Variants in ANKK1 observed in about 807,000 individuals in gnomAD.
The protein encoded by ANKK1 is ankyrin repeat and kinase domain containing 1.
In ANKK1, 37 loss-of-function variants were observed where a neutral mutation model predicts 37.6. The ratio of observed to expected loss-of-function variants is 0.98; its 90% CI spans 0.76 to 1.29. The LOEUF (loss-of-function observed/expected upper bound fraction) is 1.29. Among genes scored for constraint, ANKK1 ranks in the 50% most tolerant of loss-of-function variants. The probability of loss-of-function intolerance (pLI) is 0.00; values close to 1 mark genes in which losing one functional copy is unlikely to be tolerated. For synonymous variants in ANKK1, 415 were observed against 418.7 expected (o/e 0.99, Z 0.11); for missense variants, 1,019 against 990.6 (o/e 1.03, Z -0.39).
At chr11:113,388,108 A>G in intron 1 of ANKK1, 39 bp downstream of exon 1, 1 of 1,440,126 alleles carries the variant, frequency 6.9e-7, no homozygotes, top group Admixed American at 2.6e-5. Flanking sequence ...CGGAGGAGAA[A>G]CTGAGGCCCG....
chr11:113,388,194 T>G, intron 1 of ANKK1, 125 bp downstream of exon 1: 37 of 1,265,056 alleles, frequency 2.9e-5, no homozygotes, highest in Non-Finnish European at 3.5e-5. Context: ...CCCGCGGTAT[T>G]TCTGAATTCC....
chr11:113,398,179 G>A (rs1950654806), intron 7 of ANKK1, among the ~76,000 whole-genome samples, 163 bp downstream of exon 7: 1 of 152,068 alleles, frequency 6.6e-6, no homozygotes, highest in Non-Finnish European at 1.5e-5. Flanking sequence ...TGTTCAGAAA[G>A]CACATGCCCT....
chr11:113,397,144 G>A, intron 5 of ANKK1, 80 bp from the exon 6 acceptor site: 7 of 1,158,258 alleles, frequency 6.0e-6, no homozygotes, highest in Non-Finnish European at 8.6e-6. Context: ...AGACAGGAAT[G>A]TTAGGGTATC....
intron 1 of ANKK1, among the ~76,000 whole-genome samples, chr11:113,391,662 T>A (rs1950588530): frequency 6.6e-6 from 1 of 152,016 alleles, no homozygotes; most frequent in Non-Finnish European, 1.5e-5. Flanking sequence ...TTCACTGAAA[T>A]GATGAAAACT....
Position 113,400,166 on chromosome 11 carries a change from C to A in ANKK1, c.2197C>A (p.Leu733Ile). Residue 733 changes from leucine (L) to isoleucine (I), a missense_variant, in exon 8 of 8, where the codon CTC becomes ATC. By Grantham distance (5) the Leu-to-Ile change is conservative. Transcript: ENST00000303941. ...GVSCTPLQLA[L>I]RSRKQGIMSF... is the part of the protein sequence containing the mutation. Reference sequence around the variant, plus strand: ...GAGCTGCACACCCCTGCAACTGGCCCTCCGCAGCCGAAAGCAGGGCATCAT... The same window carrying A: ...GAGCTGCACACCCCTGCAACTGGCCATCCGCAGCCGAAAGCAGGGCATCAT... 1 of 1,589,328 alleles carries A rather than the reference C, an allele frequency of 6.3e-7. No homozygotes were observed. The highest frequency in any genetic ancestry group is 1.1e-5 in the South Asian group (1 of 88,020).
At chr11:113,390,475 A>C (rs1950578659) in intron 1 of ANKK1, among the ~76,000 whole-genome samples, 1 of 152,234 alleles carries the variant, frequency 6.6e-6, no homozygotes, top group African/African-American at 2.4e-5. Context: ...CTGGTGGCTC[A>C]CGCTTGTAAT....
At chr11:113,397,710 G>C (rs1326268708) in intron 6 of ANKK1, among the ~76,000 whole-genome samples, 1 of 152,174 alleles carries the variant, frequency 6.6e-6, no homozygotes, top group African/African-American at 2.4e-5. Context: ...GGCTCCCCCA[G>C]CTGAACTCAC....
intron 4 of ANKK1, 39 bp from the exon 5 acceptor site, chr11:113,396,028 A>G (rs1208436510): frequency 6.2e-7 from 1 of 1,604,504 alleles, no homozygotes; most frequent in Non-Finnish European, 8.5e-7. Context: ...CTCCAGCCCT[A>G]CCTCTCAGCA....
Position 113,399,273 on chromosome 11 carries a change from C to T in ANKK1, c.1304C>T (p.Ala435Val), listed in dbSNP as rs777823114. Residue 435 changes from alanine to valine, a missense_variant, in exon 8 of 8, where the codon GCA becomes GTA. Ala to Val is a moderately conservative substitution (Grantham distance 64, BLOSUM62 0). Transcript: ENST00000303941. ...GATGGCTGGGCCCCACTGCACTTTG[C>T]AGCCCAGAATGGGGATGACGGCACT... ...DEDGWAPLHF[A>V]AQNGDDGTAR... is the part of the protein sequence containing the mutation. 12 of 1,605,858 alleles carry T rather than the reference C, an allele frequency of 7.5e-6. No individual in the cohort carries two copies. The South Asian group carries it at 1.3e-4, about 18-fold the overall frequency.
In ANKK1 at chr11:113,400,116, C is replaced by T. The variant is rs1013702069; in HGVS notation, c.2147C>T (p.Ala716Val). 5 of 1,612,154 alleles carry T rather than the reference C, an allele frequency of 3.1e-6. No individual in the cohort carries two copies. In the Admixed American group the frequency reaches 5.0e-5, roughly 16 times the overall value. Residue 716 changes from alanine to valine, a missense_variant, in exon 8 of 8, where the codon GCC becomes GTC. By Grantham distance (64) the Ala-to-Val change is moderately conservative (BLOSUM62 0). Transcript: ENST00000303941. ...AILKVLVEAG[A>V]QLDVQDGVSC... ...CTCAAAGTGCTGGTCGAGGCAGGCG[C>T]CCAGCTGGACGTCCAGGATGGAGTG...
rs758194853 is a variant in ANKK1, at chr11:113,387,926, C to A, written c.42C>A (p.Pro14=). 1.3e-6 allele frequency: 2 copies of A among 1,568,596 alleles called. No homozygotes were observed. Among genetic ancestry groups the A allele is most frequent in the African/African-American group, 1.3e-5 (1 of 74,166 alleles). The part of the protein sequence containing the change: ...DPTELRLGSL[P]VFTRDDFEGD... ...CCGAGCTGCGGCTGGGCAGCCTCCC[C>A]GTCTTCACCCGCGACGACTTCGAGG... The change falls in exon 1 of 8, where the codon CCC becomes CCA. Residue 14 remains proline, a synonymous_variant. Coordinates refer to ENST00000303941, the MANE Select transcript of ANKK1 (RefSeq NM_178510.2).
rs200699123 is a variant in ANKK1, at chr11:113,399,185, C to T, written c.1216C>T (p.Gln406Ter). 1 of 1,601,082 alleles carries T rather than the reference C, an allele frequency of 6.2e-7. No individual in the cohort carries two copies. The highest frequency in any genetic ancestry group is 8.5e-7 in the Non-Finnish European group (1 of 1,174,140). Reference sequence around the variant, plus strand: ...GCCCCTCCTGATCGCCGCCCAGGACCAGCAACCCGACCTCTGTGCCCTGCT... The same window carrying T: ...GCCCCTCCTGATCGCCGCCCAGGACTAGCAACCCGACCTCTGTGCCCTGCT... ...YTPLLIAAQD[Q>*]QPDLCALLLA... The change falls in exon 8 of 8, where the codon CAG becomes TAG. Residue 406 changes from glutamine (Q) to a stop codon, truncating the protein, a stop_gained. Coordinates refer to ENST00000303941, the MANE Select transcript of ANKK1 (RefSeq NM_178510.2). LOFTEE classifies it low-confidence loss of function (END_TRUNC).
rs111613156 is a variant in ANKK1, at chr11:113,389,288, G to A, written c.185+1219G>A. ...AGTTCTGGGAATTCCCTGGGTGGAG[G>A]GGGTAAGATAATTAATGGTAATTAA... On this transcript the variant is annotated intron_variant, in intron 1 of 7. Transcript: ENST00000303941. Among the ~76,000 whole-genome samples the A allele has an allele frequency of 6.5e-3, 995 of 152,268 alleles. 9 individuals are homozygous for A. The highest frequency in any genetic ancestry group is 0.022 in the African/African-American group (899 of 41,530).
At chr11:113,395,995 C>G (rs889037762) in intron 4 of ANKK1, 72 bp from the exon 5 acceptor site, 6 of 1,561,150 alleles carry the variant, frequency 3.8e-6, no homozygotes, top group Non-Finnish European at 4.4e-6. Context: ...TCCTCAGAGC[C>G]CCCGCCTTCC....
At position 113,399,808 on chromosome 11, in the gene ANKK1, A is replaced by G. The variant is rs1950683880; in HGVS notation, c.1839A>G (p.Ala613=). 2 of 1,604,738 alleles carry G rather than the reference A, an allele frequency of 1.2e-6. No individual in the cohort carries two copies. Among genetic ancestry groups the G allele is most frequent in the East Asian group, 2.3e-5 (1 of 44,386 alleles). ...KGHLEIIHLL[A]ESHANMGALG... ...ACCTGGAGATCATCCATCTGCTGGC[A>G]GAGAGCCACGCAAACATGGGTGCTC... The change falls in exon 8 of 8, where the codon GCA becomes GCG. Residue 613 remains alanine, a synonymous_variant. Transcript: ENST00000303941.
rs536586639 is a variant in ANKK1 at position 113,396,239 on chromosome 11, C to T, written c.838+17C>T. 2.0e-5 allele frequency: 33 copies of T among 1,612,068 alleles called. No individual in the cohort carries two copies. Among genetic ancestry groups the T allele is most frequent in the South Asian group, 9.9e-5 (9 of 90,902 alleles). On this transcript the variant is annotated intron_variant, in intron 5 of 7. Coordinates refer to ENST00000303941, the MANE Select transcript of ANKK1 (RefSeq NM_178510.2). ...GCTTTCTAGGTGCTTATCCAGTGCC[C>T]CCTACCCAGGGACTGGGAGCTGGGT...
chr11:113,397,355 G>C lies in ANKK1; in HGVS notation c.957+13G>C, dbSNP rs1950648006. The C allele has an allele frequency of 6.2e-7, 1 of 1,603,552 alleles. No individual in the cohort carries two copies. The highest frequency in any genetic ancestry group is 8.5e-7 in the Non-Finnish European group (1 of 1,172,896). Reference sequence around the variant, plus strand: ...CCAGCCCGGGGAGGTGAGTGTGTGGGCTGGGCAGTCCTTATGGTCATGCTA... The same window carrying C: ...CCAGCCCGGGGAGGTGAGTGTGTGGCCTGGGCAGTCCTTATGGTCATGCTA... On this transcript the variant is annotated intron_variant, in intron 6 of 7. Coordinates refer to ENST00000303941, the MANE Select transcript of ANKK1 (RefSeq NM_178510.2).
Position 113,399,522 on chromosome 11 carries a change from C to A in ANKK1, c.1553C>A (p.Ala518Asp). The part of the protein sequence containing the change: ...SLVKLLTSQG[A>D]ELDAQQRNLR... ...GTCAAGCTGCTGACCAGCCAGGGGG[C>A]TGAGTTGGATGCTCAGCAGAGAAAC... Residue 518 changes from alanine to aspartate, a missense_variant, in exon 8 of 8, where the codon GCT becomes GAT. Coordinates refer to ENST00000303941, the MANE Select transcript of ANKK1 (RefSeq NM_178510.2). 2 of 1,595,600 alleles carry A rather than the reference C, an allele frequency of 1.3e-6. No homozygotes were observed. Among genetic ancestry groups the A allele is most frequent in the Non-Finnish European group, 8.5e-7 (1 of 1,171,434 alleles).
chr11:113,395,437 G>C, intron 4 of ANKK1, 29 bp downstream of exon 4: 5 of 1,612,506 alleles, frequency 3.1e-6, no homozygotes, highest in Non-Finnish European at 4.2e-6. Context: ...CTCTGTGTTG[G>C]GGGCAGGAGG....
Sources: allele counts gnomAD v4.1 joint callset (sites outside exome capture counted in the v4.1 genomes callset), GRCh38; gene constraint gnomAD v4.1.1; transcripts MANE v1.5; gene names NCBI Gene and HGNC (gene_info 2026-07-23, HGNC 2026-07-21).